COP1: variants seen among roughly 807,000 people sequenced by gnomAD.
COP1 encodes the protein E3 ubiquitin-protein ligase COP1.
In COP1, 24 loss-of-function variants were observed where a neutral mutation model predicts 101.3. The ratio of observed to expected loss-of-function variants is 0.24; its 90% confidence interval spans 0.17 to 0.33. COP1 has a LOEUF of 0.33. Ranked by LOEUF, COP1 falls within the 10% of genes least tolerant of loss-of-function variation. The pLI is 1.00. For missense variants in COP1, 663 were observed against 906.2 expected (o/e 0.73, Z 3.45); for synonymous variants, 347 against 341.9 (o/e 1.01, Z -0.17).
intron 15 of COP1, among the ~76,000 whole-genome samples, chr1:176,015,316 T>C (rs1240415909): frequency 2.0e-5 from 3 of 152,052 alleles, no homozygotes; most frequent in Non-Finnish European, 4.4e-5. Context: ...AGGCAAGAGG[T>C]TACTCCAGTG....
intron 18 of COP1, among the ~76,000 whole-genome samples, chr1:175,955,766 C>CCACACACACACACACA (rs60306255): frequency 0.1 from 13,126 of 129,038 alleles, 969 homozygotes; most frequent in Non-Finnish European, 0.11. Context: ...TAGAGACAAA[C>CCACACACACACACACA]CACACACACA....
chr1:176,188,499 A>G (rs1268835716), intron 1 of COP1, among the ~76,000 whole-genome samples: 1 of 152,174 alleles, frequency 6.6e-6, no homozygotes, highest in African/African-American at 2.4e-5. Flanking sequence ...AACACTGTCA[A>G]TCAAAAGCAT....
chr1:176,084,604 A>C (rs1210421881), intron 10 of COP1, among the ~76,000 whole-genome samples: 2 of 152,238 alleles, frequency 1.3e-5, no homozygotes, highest in Non-Finnish European at 2.9e-5. Context: ...CCCAGGCAAT[A>C]AATGAAAGCT....
chr1:176,193,245 G>A (rs1353154311), intron 1 of COP1, among the ~76,000 whole-genome samples: 1 of 152,170 alleles, frequency 6.6e-6, no homozygotes, highest in African/African-American at 2.4e-5. Context: ...ACACCCATTA[G>A]GTTGGCTATT....
At chr1:176,086,650 G>T (rs1680228289) in intron 9 of COP1, among the ~76,000 whole-genome samples, 1 of 151,716 alleles carries the variant, frequency 6.6e-6, no homozygotes, top group African/African-American at 2.4e-5. Flanking sequence ...CTCATGGATA[G>T]GAAGAATCAA....
chr1:176,035,256 T>TA (rs1669294252), intron 14 of COP1, among the ~76,000 whole-genome samples: 1 of 144,908 alleles, frequency 6.9e-6, no homozygotes, highest in African/African-American at 2.6e-5. Context: ...ATAGAAACTA[T>TA]TTTTTTTTTA....
At position 176,097,609 on chromosome 1, in the gene COP1, C is replaced by T. The variant is rs575458169; in HGVS notation, c.1027-11719G>A. Among the ~76,000 whole-genome samples the T allele has an allele frequency of 4.6e-5, 7 of 152,090 alleles. No homozygotes were observed. In the South Asian group the frequency reaches 8.3e-4, roughly 18 times the overall value. ...ACTGGCTGGGTGCAGCAGCTCAAGCCTGTAATCCTAGCACTTTGGGAAGCT... is the reference window on the plus strand; with the variant it reads ...ACTGGCTGGGTGCAGCAGCTCAAGCTTGTAATCCTAGCACTTTGGGAAGCT... On this transcript the variant is annotated intron_variant, in intron 9 of 19. Transcript: ENST00000367669.
At chr1:176,025,278 G>C (rs1667470615) in intron 15 of COP1, among the ~76,000 whole-genome samples, 1 of 152,068 alleles carries the variant, frequency 6.6e-6, no homozygotes, top group African/African-American at 2.4e-5. Context: ...CTGCCTTAGA[G>C]GTAGAGAATG....
At chr1:176,055,287 T>A (rs1673258960) in intron 11 of COP1, among the ~76,000 whole-genome samples, 1 of 152,078 alleles carries the variant, frequency 6.6e-6, no homozygotes, top group Non-Finnish European at 1.5e-5. Flanking sequence ...TACAAAAAAT[T>A]AGCTGTGCAT....
At chr1:176,176,285 A>T (rs1696918111) in intron 2 of COP1, among the ~76,000 whole-genome samples, 1 of 152,220 alleles carries the variant, frequency 6.6e-6, no homozygotes, top group African/African-American at 2.4e-5. Flanking sequence ...TATGCAATTT[A>T]GATAGTTCAT....
At chr1:176,012,634 G>A (rs993914812) in intron 15 of COP1, among the ~76,000 whole-genome samples, 1 of 152,066 alleles carries the variant, frequency 6.6e-6, no homozygotes, top group Admixed American at 6.5e-5. Context: ...AATTCTGCAA[G>A]CACCATTCAT....
rs1675126632 is a variant in COP1, at chr1:176,062,848, T to G, written c.1278-16524A>C. Among the ~76,000 whole-genome samples, 2 of 152,064 alleles carry G rather than the reference T, an allele frequency of 1.3e-5. 1 individual carries two copies. Among genetic ancestry groups the G allele is most frequent in the South Asian group, 4.1e-4 (2 of 4,828 alleles). The stretch of plus-strand genomic sequence containing the variant: ...TAAATTACTAATATGGGCAGCAACA[T>G]CAATGAATCTCAAAAACAAGCTGGG... On this transcript the variant is annotated intron_variant, in intron 11 of 19. Transcript: ENST00000367669.
At chr1:175,997,817 C>G (rs918071725) in intron 15 of COP1, among the ~76,000 whole-genome samples, 8 of 152,062 alleles carry the variant, frequency 5.3e-5, no homozygotes, top group African/African-American at 1.9e-4. Flanking sequence ...TAAACTAGTT[C>G]AACCATTGTG....
chr1:176,165,361 C>CGTGTGTGTGTGTGTGTGT (rs34291468), intron 3 of COP1, among the ~76,000 whole-genome samples: 89 of 132,140 alleles, frequency 6.7e-4, no homozygotes, highest in Middle Eastern at 3.7e-3. Flanking sequence ...AGATGTGTGT[C>CGTGTGTGTGTGTGTGTGT]GTGTGTGTGT....
At chr1:176,117,550 C>T (rs972861676) in intron 8 of COP1, among the ~76,000 whole-genome samples, 9 of 152,126 alleles carry the variant, frequency 5.9e-5, no homozygotes, top group Non-Finnish European at 7.3e-5. Context: ...ACATACCAAC[C>T]GTATAAACGA....
At chr1:176,166,129 T>C (rs1347847212) in intron 3 of COP1, among the ~76,000 whole-genome samples, 1 of 150,094 alleles carries the variant, frequency 6.7e-6, no homozygotes, top group Non-Finnish European at 1.5e-5. Context: ...TTATTTATTT[T>C]ATTTATTTAT....
At chr1:176,001,409 T>C (rs1661565236) in intron 15 of COP1, among the ~76,000 whole-genome samples, 1 of 152,162 alleles carries the variant, frequency 6.6e-6, no homozygotes. Context: ...ATTTTCTCGA[T>C]TTTTGTTTGT....
chr1:176,166,005 T>C (rs1695085006), intron 3 of COP1, among the ~76,000 whole-genome samples: 3 of 152,358 alleles, frequency 2.0e-5, no homozygotes, highest in South Asian at 4.1e-4. Flanking sequence ...ATATGCCGCA[T>C]TGAATTTTAC....
rs542602337 is a variant in COP1, at chr1:176,033,045, CACTA to C, written c.1613-5361_1613-5358del. Among the ~76,000 whole-genome samples, 118 of 152,264 alleles carry C rather than the reference CACTA, an allele frequency of 7.7e-4. 1 individual carries two copies. The highest frequency in any genetic ancestry group is 2.0e-3 in the African/African-American group (85 of 41,546). On this transcript the variant is annotated intron_variant, in intron 14 of 19. Coordinates refer to ENST00000367669, the MANE Select transcript of COP1 (RefSeq NM_022457.7). ...GAAGCATTACAATCAGCATGAGTTT[CACTA>C]ACTGATTTCTAAAATCTACCAAGAC... is the stretch of plus-strand genomic sequence containing the variant.
Sources: allele counts gnomAD v4.1 joint callset (sites outside exome capture counted in the v4.1 genomes callset), GRCh38; gene constraint gnomAD v4.1.1; transcripts MANE v1.5; gene names NCBI Gene and HGNC (gene_info 2026-07-23, HGNC 2026-07-21).